Variants in PTPRN2 observed in about 807,000 individuals in gnomAD.
PTPRN2 encodes protein tyrosine phosphatase receptor type N2.
Under a neutral mutation model 118.8 loss-of-function variants are expected in PTPRN2, and 74 were observed. That is an observed-to-expected ratio of 0.62 (90% CI 0.52 to 0.76). The LOEUF (loss-of-function observed/expected upper bound fraction) is 0.76. Among genes scored for constraint, PTPRN2 ranks in the 30% least tolerant of loss-of-function variants. The probability of loss-of-function intolerance (pLI) is 0.00; values close to 1 mark genes in which losing one functional copy is unlikely to be tolerated. For missense variants in PTPRN2, 1,481 were observed against 1,394.4 expected, an observed-to-expected ratio of 1.06 and a Z score of -0.99; for synonymous variants, 641 against 608.0, an observed-to-expected ratio of 1.05 and a Z score of -0.80.
At chr7:158,280,642 G>A (rs535334014) in intron 3 of PTPRN2, among the ~76,000 whole-genome samples, 2 of 152,364 alleles carry the variant, frequency 1.3e-5, no homozygotes, top group South Asian at 4.1e-4. Context: ...GAGCCGGACG[G>A]GTGCGGCCCG....
chr7:158,430,618 C>T (rs1406670356), intron 2 of PTPRN2, among the ~76,000 whole-genome samples: 1 of 152,216 alleles, frequency 6.6e-6, no homozygotes, highest in Non-Finnish European at 1.5e-5. Flanking sequence ...GTCTCCACCA[C>T]AAGAGACGCA....
chr7:158,390,919 G>A (rs1026182198), intron 2 of PTPRN2, among the ~76,000 whole-genome samples: 6 of 152,164 alleles, frequency 3.9e-5, no homozygotes, highest in African/African-American at 1.4e-4. Flanking sequence ...CGCGTCACAT[G>A]CACTGTGTCC....
At chr7:157,620,272 G>A (rs919194158) in intron 15 of PTPRN2, among the ~76,000 whole-genome samples, 5 of 152,250 alleles carry the variant, frequency 3.3e-5, no homozygotes, top group South Asian at 2.1e-4. Context: ...TGAGGTGGAC[G>A]CCAGCGCCGG....
chr7:157,759,113 T>A (rs1214061618), intron 12 of PTPRN2, among the ~76,000 whole-genome samples: 1 of 152,238 alleles, frequency 6.6e-6, no homozygotes, highest in Admixed American at 6.5e-5. Context: ...TGTGAAGCCC[T>A]TCAGACCTGC....
At chr7:157,692,564 T>C (rs1797560331) in intron 12 of PTPRN2, among the ~76,000 whole-genome samples, 1 of 152,234 alleles carries the variant, frequency 6.6e-6, no homozygotes, top group Admixed American at 6.5e-5. Context: ...AGGCCCAGGC[T>C]GAGTTCCGCA....
chr7:158,194,229 C>A (rs1162087763), intron 4 of PTPRN2, among the ~76,000 whole-genome samples: 5 of 152,206 alleles, frequency 3.3e-5, no homozygotes, highest in Non-Finnish European at 7.3e-5. Flanking sequence ...CACCATGCTT[C>A]TAATAAAATG....
intron 5 of PTPRN2, among the ~76,000 whole-genome samples, chr7:158,189,146 GC>G (rs1430180911): frequency 6.6e-6 from 1 of 152,176 alleles, no homozygotes; most frequent in East Asian, 1.9e-4. Context: ...ACGAGTTCCT[GC>G]AATTTGCTAC....
At chr7:158,376,925 GC>G (rs1810576832) in intron 2 of PTPRN2, among the ~76,000 whole-genome samples, 1 of 42,318 alleles carries the variant, frequency 2.4e-5, no homozygotes. Context: ...CACACGTCCT[GC>G]ACGCGGGGTC....
At chr7:158,436,201 TTTACCAACCCATTGATAG>T (rs1354272733) in intron 2 of PTPRN2, among the ~76,000 whole-genome samples, 4 of 152,240 alleles carry the variant, frequency 2.6e-5, no homozygotes, top group African/African-American at 4.8e-5. Flanking sequence ...TTCGTGTTGA[TTTACCAACCCATTGATAG>T]TTCCCACTGC....
At position 158,176,481 on chromosome 7, in the gene PTPRN2, G is replaced by A. The variant is rs114102896; in HGVS notation, c.550-9190C>T. On this transcript the variant is annotated intron_variant, in intron 5 of 22. Transcript: ENST00000389418. ...TCTCCCTAGGCTGTGTATGTCTGTC[G>A]AGTGACAGACACCAAACACGCCGAG... 6.0e-3 allele frequency among the ~76,000 whole-genome samples: 891 copies of A among 148,504 alleles called. 6 individuals carry two copies. Among genetic ancestry groups the A allele is most frequent in the African/African-American group, 0.022 (818 of 37,932 alleles).
chr7:158,518,299 G>C (rs903385898), intron 1 of PTPRN2, among the ~76,000 whole-genome samples: 1 of 152,094 alleles, frequency 6.6e-6, no homozygotes, highest in Non-Finnish European at 1.5e-5. Context: ...TAATAGAGAC[G>C]ATACGGATTT....
chr7:158,366,970 C>T (rs755031299), intron 2 of PTPRN2, among the ~76,000 whole-genome samples: 1 of 152,160 alleles, frequency 6.6e-6, no homozygotes, highest in Non-Finnish European at 1.5e-5. Context: ...TGGGCAGTGC[C>T]GCTCCCGTGC....
At chr7:158,288,511 T>C (rs1242159283) in intron 3 of PTPRN2, among the ~76,000 whole-genome samples, 1 of 152,206 alleles carries the variant, frequency 6.6e-6, no homozygotes, top group East Asian at 1.9e-4. Flanking sequence ...CTTACAGTTA[T>C]AGCAAGCTTT....
chr7:158,342,891 T>C (rs1462751817), intron 2 of PTPRN2, among the ~76,000 whole-genome samples: 1 of 151,738 alleles, frequency 6.6e-6, no homozygotes, highest in East Asian at 2.0e-4. Flanking sequence ...CCAGGAAATA[T>C]TAAGTCCTTA....
At chr7:158,351,593 A>G (rs969266069) in intron 2 of PTPRN2, among the ~76,000 whole-genome samples, 1 of 152,168 alleles carries the variant, frequency 6.6e-6, no homozygotes, top group African/African-American at 2.4e-5. Flanking sequence ...CTACGAGTGA[A>G]ATGGCAGAAG....
At chr7:157,607,507 G>A (rs1802077219) in intron 15 of PTPRN2, among the ~76,000 whole-genome samples, 1 of 152,268 alleles carries the variant, frequency 6.6e-6, no homozygotes, top group African/African-American at 2.4e-5. Flanking sequence ...GGAGGGAGCA[G>A]GGCAGGGAAC....
At chr7:157,657,153 C>T (rs1188714945) in intron 13 of PTPRN2, among the ~76,000 whole-genome samples, 1 of 119,306 alleles carries the variant, frequency 8.4e-6, no homozygotes, top group Non-Finnish European at 1.7e-5. Flanking sequence ...CACACACACA[C>T]CACACACATC....
chr7:158,459,590 CAT>C (rs1195197281), intron 2 of PTPRN2, among the ~76,000 whole-genome samples: 2 of 152,238 alleles, frequency 1.3e-5, no homozygotes, highest in African/African-American at 2.4e-5. Flanking sequence ...GCCACACACA[CAT>C]GACTCGGAGA....
intron 3 of PTPRN2, among the ~76,000 whole-genome samples, chr7:158,212,694 C>T (rs1190919173): frequency 6.6e-6 from 1 of 152,146 alleles, no homozygotes; most frequent in East Asian, 1.9e-4. Flanking sequence ...AGATACTCCT[C>T]ATCCACAATA....
Sources: gnomAD v4.1 joint callset for allele counts (sites outside exome capture counted in the v4.1 genomes callset) on GRCh38, gnomAD v4.1.1 for gene constraint, MANE v1.5 for transcripts, NCBI Gene and HGNC (gene_info 2026-07-23, HGNC 2026-07-21) for gene names.